OLFM2: variants seen among roughly 807,000 people sequenced by gnomAD.
The protein encoded by OLFM2 is olfactomedin 2.
OLFM2 carries 20 observed loss-of-function variants against 43.9 expected under a neutral mutation model. That is an observed-to-expected ratio of 0.46 (90% CI 0.32 to 0.66). The LOEUF is 0.66. Among genes scored for constraint, OLFM2 ranks in the 30% least tolerant of loss-of-function variants. The pLI is 0.04. For missense variants in OLFM2, 416 were observed against 643.6 expected, an observed-to-expected ratio of 0.65 and a Z score of 3.83; for synonymous variants, 268 against 278.6, an observed-to-expected ratio of 0.96 and a Z score of 0.38.
Position 9,936,427 on chromosome 19 carries a change from A to G in OLFM2, c.-61T>C, listed in dbSNP as rs2145018237. The G allele has an allele frequency of 8.8e-7, 1 of 1,136,118 alleles. No homozygotes were observed. The highest frequency in any genetic ancestry group is 1.7e-5 in the African/African-American group (1 of 58,784). The allele number at this position is 1,136,118 out of a possible 1,614,324, so 70.4% of individuals were successfully genotyped here. ...GCCCTAGCGGCGCCTCGGCGCGGGG[A>G]CCGCCACCAGGCGCGACCCCGCCCG... On this transcript the variant is annotated 5_prime_UTR_variant, in exon 1 of 6. Coordinates refer to ENST00000264833, the MANE Select transcript of OLFM2 (RefSeq NM_058164.4).
At chr19:9,895,406 G>GA (rs1390611227) in intron 1 of OLFM2, among the ~76,000 whole-genome samples, 1 of 151,908 alleles carries the variant, frequency 6.6e-6, no homozygotes, top group Non-Finnish European at 1.5e-5. Flanking sequence ...TGAGGTGGGG[G>GA]ATCACTTGAG....
Position 9,860,729 on chromosome 19 carries a change from T to C in OLFM2, c.129A>G (p.Lys43=), listed in dbSNP as rs755208728. ...LYTSAQAPDG[K]CICTAVIPAQ... ...CTGGGATCACGGCCGTGCAGATGCA[T>C]TTCCCGTCAGGGGCCTGGGCTGAGG... is the stretch of plus-strand genomic sequence containing the variant. Residue 43 remains lysine (K), a synonymous_variant, in exon 2 of 6, where the codon AAA becomes AAG. Coordinates refer to ENST00000264833, the MANE Select transcript of OLFM2 (RefSeq NM_058164.4). The C allele has an allele frequency of 4.4e-6, 7 of 1,609,076 alleles. No homozygotes were observed. Among genetic ancestry groups the C allele is most frequent in the Non-Finnish European group, 5.1e-6 (6 of 1,177,966 alleles).
intron 1 of OLFM2, among the ~76,000 whole-genome samples, chr19:9,929,154 A>C (rs1259640705): frequency 6.6e-6 from 1 of 152,186 alleles, no homozygotes; most frequent in Non-Finnish European, 1.5e-5. Context: ...TGTTCCTGTC[A>C]TGACAAGTTT....
chr19:9,925,645 G>A (rs1201741039), intron 1 of OLFM2, among the ~76,000 whole-genome samples: 5 of 151,172 alleles, frequency 3.3e-5, no homozygotes, highest in Admixed American at 1.3e-4. Context: ...ATGTTGCTGA[G>A]GTTGGTCTCA....
chr19:9,924,222 C>T (rs1371590550), intron 1 of OLFM2, among the ~76,000 whole-genome samples: 3 of 143,104 alleles, frequency 2.1e-5, no homozygotes, highest in Non-Finnish European at 3.0e-5. Flanking sequence ...CATCCTAACA[C>T]GGTGAAACCC....
intron 1 of OLFM2, among the ~76,000 whole-genome samples, chr19:9,892,439 G>A (rs568456454): frequency 2.4e-4 from 36 of 152,238 alleles, no homozygotes; most frequent in Admixed American, 5.2e-4. Context: ...GGCTGTGTGC[G>A]GTGCCTCACG....
At chr19:9,893,878 G>A (rs750938771) in intron 1 of OLFM2, among the ~76,000 whole-genome samples, 3 of 152,102 alleles carry the variant, frequency 2.0e-5, no homozygotes, top group East Asian at 1.9e-4. Flanking sequence ...GTTTCAAGAC[G>A]TTACAAGAAC....
At position 9,933,552 on chromosome 19, in the gene OLFM2, CTT is replaced by C. The variant is rs34411076; in HGVS notation, c.63+2750_63+2751del. Among the ~76,000 whole-genome samples, 353 of 79,016 alleles carry C rather than the reference CTT, an allele frequency of 4.5e-3. 2 individuals carry two copies. The highest frequency in any genetic ancestry group is 0.012 in the African/African-American group (198 of 16,950). 51.8% of individuals were successfully genotyped at this position (79,016 alleles called of 152,430 possible). Reference sequence around the variant, plus strand: ...CATGCCCGACTGCTATCACTCTAATCTTTTTTTTTTTTTTTTTTTTTTGAGAC... The same window carrying C: ...CATGCCCGACTGCTATCACTCTAATCTTTTTTTTTTTTTTTTTTTTGAGAC... On this transcript the variant is annotated intron_variant, in intron 1 of 5. Coordinates refer to ENST00000264833, the MANE Select transcript of OLFM2 (RefSeq NM_058164.4).
intron 1 of OLFM2, among the ~76,000 whole-genome samples, chr19:9,936,084 C>T (rs1193783562): frequency 2.6e-5 from 4 of 151,766 alleles, no homozygotes; most frequent in Non-Finnish European, 5.9e-5. Flanking sequence ...CGCCACCCCC[C>T]AAACCAGCCC....
intron 1 of OLFM2, among the ~76,000 whole-genome samples, chr19:9,864,543 C>T (rs111450585): frequency 0.014 from 2,115 of 152,206 alleles, 49 homozygotes; most frequent in African/African-American, 0.048. Context: ...TCAAGTGATC[C>T]GTCCACCTTG....
intron 1 of OLFM2, among the ~76,000 whole-genome samples, chr19:9,882,937 A>T (rs958785711): frequency 2.6e-5 from 4 of 151,262 alleles, no homozygotes; most frequent in African/African-American, 9.7e-5. Flanking sequence ...AGTGGCTCAC[A>T]CCTGTAATCC....
chr19:9,860,926 G>C (rs2046361815), intron 1 of OLFM2, 132 bp from the exon 2 acceptor site: 1 of 891,628 alleles, frequency 1.1e-6, no homozygotes, highest in African/African-American at 1.7e-5. Context: ...AGTGCCTGTT[G>C]TGTGTGATCT....
intron 1 of OLFM2, among the ~76,000 whole-genome samples, chr19:9,935,101 T>C (rs1401986722): frequency 6.6e-6 from 1 of 152,194 alleles, no homozygotes; most frequent in Admixed American, 6.5e-5. Context: ...TTAACTTTTC[T>C]GCGCCTCAGT....
rs2046290826 is a variant in OLFM2, at chr19:9,853,890, A to G, written c.*296T>C. The G allele has an allele frequency of 1.8e-6, 1 of 562,104 alleles. No homozygotes were observed. The highest frequency in any genetic ancestry group is 3.1e-6 in the Non-Finnish European group (1 of 320,424). The allele number at this position is 562,104 out of a possible 1,614,324, so 34.8% of individuals were successfully genotyped here. ...GGTGGAAGGACAGAGAGAGAGAGAC[A>G]GAGAGAGGCAGAGACGGAAAGAACT... On this transcript the variant is annotated 3_prime_UTR_variant, in exon 6 of 6. Coordinates refer to ENST00000264833, the MANE Select transcript of OLFM2 (RefSeq NM_058164.4).
chr19:9,876,105 T>C lies in OLFM2; in HGVS notation c.64-15311A>G, dbSNP rs527513688. Among the ~76,000 whole-genome samples the C allele has an allele frequency of 3.9e-5, 6 of 152,316 alleles. No homozygotes were observed. In the East Asian group the frequency reaches 1.2e-3, roughly 29 times the overall value. Reference sequence around the variant, plus strand: ...AATTTAATCTCTTGCCTGAAGTTTTTCAGACGTAAAAATGAGCCTGGGTGA... The same window carrying C: ...AATTTAATCTCTTGCCTGAAGTTTTCCAGACGTAAAAATGAGCCTGGGTGA... On this transcript the variant is annotated intron_variant, in intron 1 of 5. Transcript: ENST00000264833.
At chr19:9,922,553 T>C (rs565289353) in intron 1 of OLFM2, among the ~76,000 whole-genome samples, 78 of 151,852 alleles carry the variant, frequency 5.1e-4, no homozygotes, top group Non-Finnish European at 1.0e-3. Flanking sequence ...AGACCCTGAC[T>C]CAAAAAAACA....
In OLFM2 at chr19:9,936,310, G is replaced by T. The variant is rs779665049; in HGVS notation, c.57C>A (p.Ala19=). 1.4e-5 allele frequency: 22 copies of T among 1,527,670 alleles called. No homozygotes were observed. The African/African-American group carries it at 2.9e-4, about 20-fold the overall frequency. 94.6% of individuals were successfully genotyped at this position (1,527,670 alleles called of 1,614,324 possible). A position where few individuals can be genotyped will look rare whatever the true frequency, so the allele number is the denominator to read the frequency against. Reference sequence around the variant, plus strand: ...CTGCCCGCCGGGCCCCTACCTGTCCGGCCAGGCCTGAGCACAGCAGCAGCA... The same window carrying T: ...CTGCCCGCCGGGCCCCTACCTGTCCTGCCAGGCCTGAGCACAGCAGCAGCA... ...PLLLLLCSGL[A]GQTLFQNPEE... The change falls in exon 1 of 6, where the codon GCC becomes GCA. Residue 19 remains alanine, a synonymous_variant. Transcript: ENST00000264833.
At chr19:9,858,105 T>C in intron 2 of OLFM2, 1 of 585,968 alleles carries the variant, frequency 1.7e-6, no homozygotes, top group Non-Finnish European at 3.1e-6. Context: ...ACCTCCTCCC[T>C]AGTCTCCCAG....
chr19:9,867,057 A>G (rs1180900729), intron 1 of OLFM2, among the ~76,000 whole-genome samples: 1 of 151,892 alleles, frequency 6.6e-6, no homozygotes, highest in Non-Finnish European at 1.5e-5. Context: ...CTACTCCACC[A>G]CCTATATCTT....
Sources: allele counts gnomAD v4.1 joint callset (sites outside exome capture counted in the v4.1 genomes callset), GRCh38; gene constraint gnomAD v4.1.1; transcripts MANE v1.5; gene names NCBI Gene and HGNC (gene_info 2026-07-23, HGNC 2026-07-21).